Variants in CTNNA3 observed in about 807,000 individuals in gnomAD.
The protein encoded by CTNNA3 is catenin alpha 3, also known as catenin alpha-3.
In CTNNA3, 76 loss-of-function variants were observed where a neutral mutation model predicts 95.7. The observed-to-expected ratio is 0.79, with a 90% CI of 0.66 to 0.96. The LOEUF (loss-of-function observed/expected upper bound fraction) is 0.96, where lower values mean the gene tolerates loss of function less well. Among genes scored for constraint, CTNNA3 ranks in the 40% least tolerant of loss-of-function variants. CTNNA3 has a pLI of 0.00. For synonymous variants in CTNNA3, 431 were observed against 374.4 expected (o/e 1.15, Z -1.74); for missense variants, 1,191 against 1,089.8 (o/e 1.09, Z -1.31).
intron 9 of CTNNA3, among the ~76,000 whole-genome samples, chr10:66,694,287 C>T (rs1450383137): frequency 2.0e-5 from 3 of 151,926 alleles, no homozygotes; most frequent in Non-Finnish European, 4.4e-5. Flanking sequence ...GATATCACCA[C>T]CAATCCCACA....
chr10:65,983,739 A>G (rs749484583), intron 16 of CTNNA3, among the ~76,000 whole-genome samples: 1 of 151,422 alleles, frequency 6.6e-6, no homozygotes, highest in African/African-American at 2.4e-5. Flanking sequence ...AAGTCTAAAA[A>G]ATGTTGAATG....
intron 9 of CTNNA3, among the ~76,000 whole-genome samples, chr10:66,724,523 T>C (rs932057709): frequency 6.6e-5 from 10 of 152,338 alleles, no homozygotes; most frequent in Middle Eastern, 3.4e-3. Flanking sequence ...AATTATGTCT[T>C]ACTTAAATTA....
chr10:66,650,611 A>T (rs10762084), intron 9 of CTNNA3, among the ~76,000 whole-genome samples: 1 of 151,914 alleles, frequency 6.6e-6, no homozygotes, highest in African/African-American at 2.4e-5. Flanking sequence ...TCCGGAGTTC[A>T]TTCCTTCAGA....
chr10:66,501,801 T>C (rs537212970), intron 11 of CTNNA3, among the ~76,000 whole-genome samples: 12 of 152,246 alleles, frequency 7.9e-5, no homozygotes, highest in Non-Finnish European at 1.3e-4. Flanking sequence ...ATCCAATAGA[T>C]GGAAAATGTC....
intron 7 of CTNNA3, among the ~76,000 whole-genome samples, chr10:67,084,692 T>A (rs948861783): frequency 1.3e-5 from 2 of 151,726 alleles, no homozygotes; most frequent in African/African-American, 4.8e-5. Context: ...AATAACAGAG[T>A]AAATAGAATG....
intron 9 of CTNNA3, 102 bp from the exon 10 acceptor site, chr10:66,621,886 A>C (rs2132318300): frequency 5.9e-4 from 327 of 556,808 alleles, no homozygotes; most frequent in Non-Finnish European, 8.7e-4. Flanking sequence ...CAAGAATCTC[A>C]ATGACAAATA....
intron 5 of CTNNA3, among the ~76,000 whole-genome samples, chr10:67,344,458 G>T (rs1842337930): frequency 1.3e-5 from 2 of 152,016 alleles, no homozygotes; most frequent in Non-Finnish European, 2.9e-5. Context: ...CTAGGATTCA[G>T]CAGTAAAGCC....
At chr10:67,000,381 C>A (rs983588699) in intron 7 of CTNNA3, among the ~76,000 whole-genome samples, 1 of 152,150 alleles carries the variant, frequency 6.6e-6, no homozygotes, top group African/African-American at 2.4e-5. Flanking sequence ...GGCGAATTGG[C>A]ACAAGAAGGT....
At chr10:66,156,939 G>T (rs2084538166) in intron 13 of CTNNA3, among the ~76,000 whole-genome samples, 2 of 151,900 alleles carry the variant, frequency 1.3e-5, no homozygotes, top group Admixed American at 1.3e-4. Context: ...TGGCTGTCTT[G>T]TTGAGAACAG....
chr10:66,232,056 G>T (rs182631079), intron 13 of CTNNA3, among the ~76,000 whole-genome samples: 3 of 152,278 alleles, frequency 2.0e-5, no homozygotes, highest in Admixed American at 1.3e-4. Context: ...AACCCACAGT[G>T]TGTTCTAATT....
At chr10:66,421,532 ATAT>A (rs1452401131) in intron 11 of CTNNA3, among the ~76,000 whole-genome samples, 4 of 152,012 alleles carry the variant, frequency 2.6e-5, no homozygotes, top group South Asian at 2.1e-4. Flanking sequence ...AATATGTAAA[ATAT>A]TATGTATCCA....
At chr10:66,035,500 A>G (rs2079541444) in intron 15 of CTNNA3, among the ~76,000 whole-genome samples, 1 of 151,966 alleles carries the variant, frequency 6.6e-6, no homozygotes, top group Admixed American at 6.6e-5. Context: ...TCCACAAAAG[A>G]GGAAGAGGGA....
chr10:66,593,697 C>A (rs1214005400), intron 10 of CTNNA3, among the ~76,000 whole-genome samples: 2 of 152,068 alleles, frequency 1.3e-5, no homozygotes, highest in Non-Finnish European at 2.9e-5. Context: ...TCCAAAAAAG[C>A]AGTCTCAAGT....
Position 66,569,759 on chromosome 10 carries a change from T to C in CTNNA3, c.1375-48986A>G, listed in dbSNP as rs1051654410. On this transcript the variant is annotated intron_variant, in intron 10 of 17. Transcript: ENST00000433211. Reference sequence around the variant, plus strand: ...ACTGACAATTGTTTATGGCTACAAATCACCCACGCTTGATGTGATATCTGA... The same window carrying C: ...ACTGACAATTGTTTATGGCTACAAACCACCCACGCTTGATGTGATATCTGA... Among the ~76,000 whole-genome samples, 4 of 152,210 alleles carry C rather than the reference T, an allele frequency of 2.6e-5. No homozygotes were observed. The South Asian group carries it at 6.2e-4, about 24-fold the overall frequency.
At chr10:66,523,936 C>A (rs555257734) in intron 10 of CTNNA3, among the ~76,000 whole-genome samples, 10 of 152,210 alleles carry the variant, frequency 6.6e-5, no homozygotes, top group African/African-American at 1.7e-4. Context: ...AGTCTAAAAC[C>A]GTCCCCAGGT....
intron 7 of CTNNA3, among the ~76,000 whole-genome samples, chr10:67,073,087 C>T (rs1856554106): frequency 6.6e-6 from 1 of 152,174 alleles, no homozygotes; most frequent in Admixed American, 6.5e-5. Flanking sequence ...AGCAAATGCC[C>T]TCAGGGAAAT....
rs1911360 is a variant in CTNNA3, at chr10:67,599,830, G to C, written c.292+7027C>G. ...CAAATTGATCCATAGATCTAATCTAGTCCTAACCAAAATCTCAGTGGACTT... is the reference window on the plus strand; with the variant it reads ...CAAATTGATCCATAGATCTAATCTACTCCTAACCAAAATCTCAGTGGACTT... On this transcript the variant is annotated intron_variant, in intron 3 of 17. Coordinates refer to ENST00000433211, the MANE Select transcript of CTNNA3 (RefSeq NM_013266.4). Among the ~76,000 whole-genome samples the C allele has an allele frequency of 2.0e-5, 3 of 152,164 alleles. No homozygotes were observed. The South Asian group carries it at 6.2e-4, about 32-fold the overall frequency.
chr10:66,318,276 A>ATATATATATATATGTGTGTG (rs33943741), intron 12 of CTNNA3, among the ~76,000 whole-genome samples: 1 of 136,602 alleles, frequency 7.3e-6, no homozygotes, highest in Admixed American at 7.5e-5. Flanking sequence ...ATATATATAT[A>ATATATATATATATGTGTGTG]TGTGTGTGTG....
At chr10:67,224,524 A>G (rs928126880) in intron 5 of CTNNA3, among the ~76,000 whole-genome samples, 1 of 152,164 alleles carries the variant, frequency 6.6e-6, no homozygotes, top group African/African-American at 2.4e-5. Context: ...TCTGGGAGAC[A>G]CCACAAATAC....
Sources: allele counts gnomAD v4.1 joint callset (sites outside exome capture counted in the v4.1 genomes callset), GRCh38; gene constraint gnomAD v4.1.1; transcripts MANE v1.5; gene names NCBI Gene and HGNC (gene_info 2026-07-23, HGNC 2026-07-21).